The following DPYSL3 variants were observed in gnomAD, a reference collection of about 807,000 sequenced individuals.
DPYSL3 encodes the protein dihydropyrimidinase like 3.
A neutral mutation model predicts 66.1 loss-of-function variants in DPYSL3; 16 were observed. The ratio of observed to expected loss-of-function variants is 0.24; its 90% CI spans 0.16 to 0.37. The LOEUF (loss-of-function observed/expected upper bound fraction) is 0.37. Ranked by LOEUF, DPYSL3 falls within the 10% of genes least tolerant of loss-of-function variation. DPYSL3 has a pLI of 1.00. For missense variants in DPYSL3, 738 were observed against 916.2 expected (o/e 0.81, Z 2.51); for synonymous variants, 338 against 345.1 (o/e 0.98, Z 0.23).
chr5:147,409,175 A>T (rs7720075), intron 6 of DPYSL3, among the ~76,000 whole-genome samples: 2,980 of 152,324 alleles, frequency 0.02, 94 homozygotes, highest in African/African-American at 0.068. Flanking sequence ...AACAAAATGT[A>T]TTGAGCAACT....
intron 1 of DPYSL3, among the ~76,000 whole-genome samples, chr5:147,494,803 C>T (rs111769079): frequency 8.4e-4 from 126 of 150,740 alleles, no homozygotes; most frequent in African/African-American, 3.0e-3. Context: ...GGCATGAACC[C>T]GGGAGGCAGA....
At chr5:147,502,481 T>C (rs949946169) in intron 1 of DPYSL3, among the ~76,000 whole-genome samples, 12 of 152,270 alleles carry the variant, frequency 7.9e-5, no homozygotes, top group African/African-American at 2.6e-4. Context: ...ACGATGTTTA[T>C]GTTTTCTTAC....
intron 1 of DPYSL3, chr5:147,473,140 T>C (rs1321027945): frequency 6.6e-6 from 1 of 152,204 alleles, no homozygotes; most frequent in African/African-American, 2.4e-5. Flanking sequence ...TGCCAAAACA[T>C]GAAGCAGGGC....
chr5:147,454,598 C>T (rs1752812160), intron 1 of DPYSL3, among the ~76,000 whole-genome samples: 1 of 152,126 alleles, frequency 6.6e-6, no homozygotes, highest in Non-Finnish European at 1.5e-5. Context: ...GTAGAAAACA[C>T]CTGTGGAGTG....
intron 2 of DPYSL3, 61 bp downstream of exon 2, chr5:147,424,814 T>C: frequency 7.9e-7 from 1 of 1,262,558 alleles, no homozygotes; most frequent in Non-Finnish European, 1.1e-6. Context: ...CAACCTCCTT[T>C]ATGAGCCATT....
chr5:147,465,606 C>G (rs1360450514), intron 1 of DPYSL3, among the ~76,000 whole-genome samples: 4 of 152,122 alleles, frequency 2.6e-5, no homozygotes, highest in Non-Finnish European at 5.9e-5. Flanking sequence ...GGCCCCTGGT[C>G]CCTTAAGACT....
chr5:147,404,588 T>C (rs1758283319), intron 8 of DPYSL3, among the ~76,000 whole-genome samples: 1 of 152,222 alleles, frequency 6.6e-6, no homozygotes, highest in South Asian at 2.1e-4. Flanking sequence ...GCCACACATC[T>C]GCAGCTTCTC....
chr5:147,440,107 C>T (rs1339150433), intron 1 of DPYSL3, among the ~76,000 whole-genome samples: 4 of 152,110 alleles, frequency 2.6e-5, no homozygotes, highest in Non-Finnish European at 5.9e-5. Context: ...TCGAGCCCAT[C>T]CTGGCTAACA....
At position 147,509,999 on chromosome 5, in the gene DPYSL3, G is replaced by T; in HGVS notation, c.-141C>A. 7.6e-7 allele frequency: 1 copy of T among 1,320,350 alleles called. No homozygotes were observed. The highest frequency in any genetic ancestry group is 1.0e-6 in the Non-Finnish European group (1 of 1,000,564). The allele number at this position is 1,320,350 out of a possible 1,614,324, so 81.8% of individuals were successfully genotyped here. A position where few individuals can be genotyped will look rare whatever the true frequency, so the allele number is the denominator to read the frequency against. ...GCGCCAGAGGCGGCAGTGCTGCTCCGATTCCTGCTTGTCCCTAGCGAGCCA... is the reference window on the plus strand; with the variant it reads ...GCGCCAGAGGCGGCAGTGCTGCTCCTATTCCTGCTTGTCCCTAGCGAGCCA... On this transcript the variant is annotated 5_prime_UTR_variant, in exon 1 of 14. Transcript: ENST00000343218. This position sits in a 1 kb window ranked among gnomAD's most constrained non-coding sequence, Gnocchi z 5.3.
intron 1 of DPYSL3, among the ~76,000 whole-genome samples, chr5:147,461,432 A>T (rs961929803): frequency 1.6e-4 from 24 of 151,996 alleles, no homozygotes; most frequent in African/African-American, 4.8e-4. Flanking sequence ...AGACCCAGAA[A>T]ACCCATTTGG....
chr5:147,460,474 A>G (rs1752915697), intron 1 of DPYSL3, among the ~76,000 whole-genome samples: 1 of 152,208 alleles, frequency 6.6e-6, no homozygotes, highest in South Asian at 2.1e-4. Context: ...GTCACCTTAC[A>G]TGACAAAGGG....
Position 147,510,036 on chromosome 5 carries a change from A to C in DPYSL3, c.-178T>G. On this transcript the variant is annotated 5_prime_UTR_variant, in exon 1 of 14. Transcript: ENST00000343218. ...TCCCTAGCGAGCCAGCGAGCCACAC[A>C]GCCAGCTAGCGCGCGGAGCAGGGGC... 9.2e-7 allele frequency: 1 copy of C among 1,082,980 alleles called. No homozygotes were observed. The highest frequency in any genetic ancestry group is 1.3e-6 in the Non-Finnish European group (1 of 790,596). 67.1% of individuals were successfully genotyped at this position (1,082,980 alleles called of 1,614,324 possible).
At chr5:147,506,544 A>G (rs1753687309) in intron 1 of DPYSL3, among the ~76,000 whole-genome samples, 2 of 152,186 alleles carry the variant, frequency 1.3e-5, no homozygotes, top group Admixed American at 1.3e-4. Flanking sequence ...GTAATATAAT[A>G]TAACCTGAAA....
intron 2 of DPYSL3, among the ~76,000 whole-genome samples, chr5:147,422,166 A>T (rs1408612270): frequency 6.6e-6 from 1 of 152,200 alleles, no homozygotes; most frequent in Non-Finnish European, 1.5e-5. Context: ...AAAAACAAAC[A>T]ACCCCATCAA....
intron 1 of DPYSL3, among the ~76,000 whole-genome samples, chr5:147,495,582 C>A (rs979586958): frequency 1.3e-5 from 2 of 152,192 alleles, no homozygotes; most frequent in South Asian, 2.1e-4. Flanking sequence ...ACAAAAATCA[C>A]AAGCACTCTT....
chr5:147,451,771 T>A (rs1184229192), intron 1 of DPYSL3, among the ~76,000 whole-genome samples: 1 of 152,188 alleles, frequency 6.6e-6, no homozygotes, highest in Non-Finnish European at 1.5e-5. Context: ...ATCTCCTGAG[T>A]TGGGGAGATA....
intron 1 of DPYSL3, among the ~76,000 whole-genome samples, chr5:147,497,613 T>C (rs915036993): frequency 6.6e-6 from 1 of 151,540 alleles, no homozygotes; most frequent in Non-Finnish European, 1.5e-5. Context: ...ACATTACACA[T>C]AATATAATCC....
At chr5:147,394,856 T>A (rs1349831537) in intron 13 of DPYSL3, among the ~76,000 whole-genome samples, 6 of 152,218 alleles carry the variant, frequency 3.9e-5, no homozygotes, top group African/African-American at 1.4e-4. Context: ...TTTCCTCATA[T>A]GCTGTAATTT....
At chr5:147,410,134 T>A (rs976324904) in intron 6 of DPYSL3, among the ~76,000 whole-genome samples, 1 of 152,150 alleles carries the variant, frequency 6.6e-6, no homozygotes, top group African/African-American at 2.4e-5. Flanking sequence ...TACTCTAAAT[T>A]GCCTCCAGTC....
Sources: allele counts gnomAD v4.1 joint callset (sites outside exome capture counted in the v4.1 genomes callset), GRCh38; gene constraint gnomAD v4.1.1; non-coding constraint Gnocchi (gnomAD v3.1); transcripts MANE v1.5; gene names NCBI Gene and HGNC (gene_info 2026-07-23, HGNC 2026-07-21).